The following RBFOX1 variants were observed in gnomAD, a reference collection of about 807,000 sequenced individuals.
The protein encoded by RBFOX1 is RNA binding protein fox-1 homolog 1.
In RBFOX1, 8 loss-of-function variants were observed where a neutral mutation model predicts 57.7. The observed-to-expected ratio is 0.14, with a 90% CI of 0.08 to 0.25. The LOEUF (loss-of-function observed/expected upper bound fraction) is 0.25. Ranked by LOEUF, RBFOX1 falls within the 10% of genes least tolerant of loss-of-function variation. RBFOX1 has a pLI of 1.00. For synonymous variants in RBFOX1, 326 were observed against 222.4 expected (o/e 1.47, Z -4.15); for missense variants, 611 against 548.5 (o/e 1.11, Z -1.14).
At chr16:7,485,925 T>C (rs1035316700) in intron 4 of RBFOX1, among the ~76,000 whole-genome samples, 8 of 152,262 alleles carry the variant, frequency 5.3e-5, no homozygotes, top group African/African-American at 1.7e-4. Context: ...TATTTACATA[T>C]TGTTCATGGT....
intron 3 of RBFOX1, among the ~76,000 whole-genome samples, chr16:6,972,588 A>G (rs903122426): frequency 6.6e-6 from 1 of 152,086 alleles, no homozygotes; most frequent in African/African-American, 2.4e-5. Flanking sequence ...TACTGATTGG[A>G]ATGTTCTGGG....
At position 6,943,934 on chromosome 16, in the gene RBFOX1, C is replaced by T. The variant is rs988908427; in HGVS notation, c.-15-108123C>T. Among the ~76,000 whole-genome samples, 3 of 152,068 alleles carry T rather than the reference C, an allele frequency of 2.0e-5. No homozygotes were observed. In the East Asian group the frequency reaches 5.8e-4, roughly 29 times the overall value. ...AAATTTGTTCTGACCATGACATATCCCTGGAGTCTCTCTGAATCTGCTGGG... is the reference window on the plus strand; with the variant it reads ...AAATTTGTTCTGACCATGACATATCTCTGGAGTCTCTCTGAATCTGCTGGG... On this transcript the variant is annotated intron_variant, in intron 3 of 15. Coordinates refer to ENST00000550418, the MANE Select transcript of RBFOX1 (RefSeq NM_018723.4).
chr16:7,153,744 AG>A (rs1267080904), intron 4 of RBFOX1, among the ~76,000 whole-genome samples: 61 of 144,388 alleles, frequency 4.2e-4, no homozygotes, highest in Non-Finnish European at 6.0e-4. Flanking sequence ...AAAAAAAATA[AG>A]GAAAGAAAGA....
intron 1 of RBFOX1, among the ~76,000 whole-genome samples, chr16:6,308,319 T>A (rs2079787928): frequency 6.6e-6 from 1 of 152,256 alleles, no homozygotes; most frequent in Non-Finnish European, 1.5e-5. Context: ...TAGATCCTTG[T>A]GGCCCTGTGT....
rs551942229 is a variant in RBFOX1 at position 7,065,848 on chromosome 16, C to T, written c.27+13750C>T. On this transcript the variant is annotated intron_variant, in intron 4 of 15. Coordinates refer to ENST00000550418, the MANE Select transcript of RBFOX1 (RefSeq NM_018723.4). ...TCTGGTAATCACCATTCTACTCTTG[C>T]TTTTATGAGTTTAATTTTTTTAGAC... Among the ~76,000 whole-genome samples the T allele has an allele frequency of 2.6e-5, 4 of 152,256 alleles. No individual in the cohort carries two copies. The East Asian group carries it at 5.8e-4, about 22-fold the overall frequency.
At chr16:6,783,441 C>A (rs1293099100) in intron 3 of RBFOX1, among the ~76,000 whole-genome samples, 323 of 125,622 alleles carry the variant, frequency 2.6e-3, no homozygotes, top group Non-Finnish European at 3.0e-3. Flanking sequence ...ATGAAGCTTG[C>A]AAAAAAAAAA....
intron 3 of RBFOX1, among the ~76,000 whole-genome samples, chr16:5,608,632 A>T (rs1458540114): frequency 6.6e-6 from 1 of 152,200 alleles, no homozygotes; most frequent in South Asian, 2.1e-4. Context: ...TTTAATTATT[A>T]TTATTGATTA....
intron 4 of RBFOX1, among the ~76,000 whole-genome samples, chr16:7,249,157 G>A (rs1009429582): frequency 6.6e-6 from 1 of 152,186 alleles, no homozygotes; most frequent in Admixed American, 6.5e-5. Context: ...AAAGCTGGGG[G>A]TTAGGTGGTA....
chr16:7,432,655 C>T (rs1009833721), intron 4 of RBFOX1, among the ~76,000 whole-genome samples: 1 of 152,196 alleles, frequency 6.6e-6, no homozygotes, highest in South Asian at 2.1e-4. Flanking sequence ...ATGGGGGTAA[C>T]TGTGTTCTAA....
chr16:6,597,543 G>A (rs2097788950), intron 2 of RBFOX1, among the ~76,000 whole-genome samples: 1 of 152,098 alleles, frequency 6.6e-6, no homozygotes, highest in Non-Finnish European at 1.5e-5. Context: ...CGTGGTTGCA[G>A]GCGCCTGTAG....
upstream of RBFOX1, among the ~76,000 whole-genome samples, chr16:6,016,172 C>T (rs988313146): frequency 2.0e-5 from 3 of 152,106 alleles, no homozygotes; most frequent in Non-Finnish European, 4.4e-5. Flanking sequence ...TAGAAGAGAA[C>T]AACATTTACA....
intron 3 of RBFOX1, among the ~76,000 whole-genome samples, chr16:5,840,509 G>A (rs2056593131): frequency 6.6e-6 from 1 of 152,136 alleles, no homozygotes; most frequent in South Asian, 2.1e-4. Context: ...TGTGCCTTCA[G>A]AACACCAGGA....
chr16:6,971,031 C>G (rs1404240002), intron 3 of RBFOX1, among the ~76,000 whole-genome samples: 7 of 152,164 alleles, frequency 4.6e-5, no homozygotes, highest in African/African-American at 1.7e-4. Flanking sequence ...TTCTTGAGAA[C>G]CATACTATCT....
At chr16:5,908,077 T>TATATATATACACATATATACACAC (rs2058506673) in intron 4 of RBFOX1, among the ~76,000 whole-genome samples, 1 of 144,674 alleles carries the variant, frequency 6.9e-6, no homozygotes, top group Admixed American at 6.9e-5. Context: ...TATGTATATA[T>TATATATATACACATATATACACAC]ATATATATAC....
chr16:6,477,684 G>T (rs77971435), intron 2 of RBFOX1, among the ~76,000 whole-genome samples: 1 of 152,152 alleles, frequency 6.6e-6, no homozygotes, highest in South Asian at 2.1e-4. Context: ...TAATAAGAGC[G>T]TCAGCTTGTC....
intron 4 of RBFOX1, among the ~76,000 whole-genome samples, chr16:7,094,240 A>T (rs1489764560): frequency 6.6e-6 from 1 of 152,096 alleles, no homozygotes; most frequent in East Asian, 1.9e-4. Flanking sequence ...CCCCATTCAG[A>T]GAAGAACAAA....
chr16:6,289,414 T>G (rs1267366840), intron 1 of RBFOX1, among the ~76,000 whole-genome samples: 1 of 152,144 alleles, frequency 6.6e-6, no homozygotes, highest in African/African-American at 2.4e-5. Flanking sequence ...AGTGAGGAAG[T>G]AACTCCTTTT....
chr16:6,107,582 T>TTAA (rs2096396482), intron 1 of RBFOX1, among the ~76,000 whole-genome samples: 1 of 152,030 alleles, frequency 6.6e-6, no homozygotes, highest in Non-Finnish European at 1.5e-5. Context: ...CAGTACAGGA[T>TTAA]TAATACATGT....
At chr16:5,343,156 A>G (rs1472799972) in intron 1 of RBFOX1, among the ~76,000 whole-genome samples, 2 of 152,180 alleles carry the variant, frequency 1.3e-5, no homozygotes, top group African/African-American at 2.4e-5. Flanking sequence ...GTTGCTTTCA[A>G]CATTCATTGG....
Sources: allele counts gnomAD v4.1 joint callset (sites outside exome capture counted in the v4.1 genomes callset), GRCh38; gene constraint gnomAD v4.1.1; transcripts MANE v1.5; gene names NCBI Gene and HGNC (gene_info 2026-07-23, HGNC 2026-07-21).